Variants in ZC2HC1B observed in about 807,000 individuals in gnomAD.
ZC2HC1B encodes zinc finger C2HC-type containing 1B.
ZC2HC1B carries 36 observed loss-of-function variants against 31.0 expected under a neutral mutation model. That is an observed-to-expected ratio of 1.16 (90% CI 0.89 to 1.54). ZC2HC1B has a LOEUF of 1.54. ZC2HC1B is among the 40% of genes most tolerant of loss of function. ZC2HC1B has a pLI of 0.00. For synonymous variants in ZC2HC1B, 73 were observed against 88.0 expected (o/e 0.83, Z 0.95); for missense variants, 260 against 268.6 (o/e 0.97, Z 0.22).
At chr6:143,935,052 A>G (rs1054820974) in intron 6 of ZC2HC1B, among the ~76,000 whole-genome samples, 5 of 152,122 alleles carry the variant, frequency 3.3e-5, no homozygotes, top group African/African-American at 9.7e-5. Context: ...GGCAGTATCC[A>G]TAGGGTACTA....
Position 143,911,586 on chromosome 6 carries a change from A to G in ZC2HC1B, c.598+8434A>G, listed in dbSNP as rs778585511. On this transcript the variant is annotated intron_variant, in intron 6 of 7. Coordinates refer to ENST00000237275, the MANE Select transcript of ZC2HC1B (RefSeq NM_001013623.3). The surrounding 1 kb of genome is among the most constrained non-coding windows in gnomAD (Gnocchi z 4.5). ...GAAATTCTTTTCTTTAAGAATGTTG[A>G]ATTTTGGCCCCCAGTCTCTTCTACC... is the stretch of plus-strand genomic sequence containing the variant. Among the ~76,000 whole-genome samples the G allele has an allele frequency of 2.2e-4, 33 of 152,182 alleles. No homozygotes were observed. Among genetic ancestry groups the G allele is most frequent in the Middle Eastern group, 3.4e-3 (1 of 294 alleles).
At chr6:143,889,780 A>G (rs1210300464) in intron 4 of ZC2HC1B, among the ~76,000 whole-genome samples, 8 of 152,142 alleles carry the variant, frequency 5.3e-5, no homozygotes, top group Admixed American at 5.2e-4. Context: ...CAGTAAAGAT[A>G]TAGAAGAGTT....
At position 143,899,294 on chromosome 6, in the gene ZC2HC1B, C is replaced by A. The variant is rs1371553080; in HGVS notation, c.489+603C>A. Among the ~76,000 whole-genome samples the A allele has an allele frequency of 6.6e-6, 1 of 152,202 alleles. No homozygotes were observed. The highest frequency in any genetic ancestry group is 2.4e-5 in the African/African-American group (1 of 41,454). ...GTCGAAGGTCTCAGGTACATACTTA[C>A]AATATAGCATAAAAACTATTAGTTT... On this transcript the variant is annotated intron_variant, in intron 5 of 7. Transcript: ENST00000237275. The surrounding 1 kb of genome is among the most constrained non-coding windows in gnomAD (Gnocchi z 5.0).
intron 6 of ZC2HC1B, among the ~76,000 whole-genome samples, chr6:143,935,683 ATC>A (rs1352032022): frequency 3.1e-5 from 3 of 96,214 alleles, no homozygotes; most frequent in African/African-American, 8.7e-5. Flanking sequence ...TTGAGACAGG[ATC>A]TCTCTGTCGC....
At chr6:143,931,460 TG>T (rs1778118011) in intron 6 of ZC2HC1B, among the ~76,000 whole-genome samples, 1 of 152,218 alleles carries the variant, frequency 6.6e-6, no homozygotes, top group Admixed American at 6.5e-5. Context: ...GGTTCTATTT[TG>T]GTGTATTTGG....
rs567016904 is a variant in ZC2HC1B at position 143,933,365 on chromosome 6, C to G, written c.599-4284C>G. Among the ~76,000 whole-genome samples the G allele has an allele frequency of 4.6e-5, 7 of 152,270 alleles. No individual in the cohort carries two copies. In the South Asian group the frequency reaches 1.4e-3, roughly 32 times the overall value. On this transcript the variant is annotated intron_variant, in intron 6 of 7. Transcript: ENST00000237275. This position sits in a 1 kb window ranked among gnomAD's most constrained non-coding sequence, Gnocchi z 6.4. ...CTCTAATTTGGCCAGGACAAGTATT[C>G]AGGCTTCTCAGGTGATGGATGGGAT...
At chr6:143,929,626 G>T (rs1379175834) in intron 6 of ZC2HC1B, among the ~76,000 whole-genome samples, 1 of 152,076 alleles carries the variant, frequency 6.6e-6, no homozygotes, top group Non-Finnish European at 1.5e-5. Context: ...CAGTGTTTTG[G>T]GACAGTTTCA....
chr6:143,867,767 G>A (rs964036698), intron 1 of ZC2HC1B, among the ~76,000 whole-genome samples: 5 of 152,202 alleles, frequency 3.3e-5, no homozygotes, highest in Non-Finnish European at 7.3e-5. Context: ...CGTGATAGCC[G>A]TCAACACGTC....
chr6:143,925,550 T>A (rs1778027105), intron 6 of ZC2HC1B, among the ~76,000 whole-genome samples: 1 of 149,672 alleles, frequency 6.7e-6, no homozygotes, highest in South Asian at 2.1e-4. Flanking sequence ...TTTTTTTTTT[T>A]TTTGAGACGG....
intron 6 of ZC2HC1B, among the ~76,000 whole-genome samples, chr6:143,920,643 GC>G (rs1777975828): frequency 3.9e-5 from 6 of 152,216 alleles, no homozygotes; most frequent in Admixed American, 3.3e-4. Context: ...GGGCGTGGTG[GC>G]TCACACCTGT....
intron 1 of ZC2HC1B, among the ~76,000 whole-genome samples, chr6:143,881,050 C>T (rs946494997): frequency 3.3e-5 from 5 of 152,186 alleles, no homozygotes; most frequent in African/African-American, 9.7e-5. Flanking sequence ...AGATCTCCCT[C>T]ATTCTAACCC....
At position 143,899,972 on chromosome 6, in the gene ZC2HC1B, C is replaced by T. The variant is rs147790331; in HGVS notation, c.489+1281C>T. ...TCTTCAAAGGCAAGCAAACTTTTTGCCCTTAAATATCAAAATGGGTTCACC... is the reference window on the plus strand; with the variant it reads ...TCTTCAAAGGCAAGCAAACTTTTTGTCCTTAAATATCAAAATGGGTTCACC... On this transcript the variant is annotated intron_variant, in intron 5 of 7. Transcript: ENST00000237275. The surrounding 1 kb of genome is among the most constrained non-coding windows in gnomAD (Gnocchi z 5.0). 3.0e-3 allele frequency among the ~76,000 whole-genome samples: 461 copies of T among 152,218 alleles called. 1 individual carries two copies. Among genetic ancestry groups the T allele is most frequent in the Non-Finnish European group, 5.2e-3 (351 of 68,022 alleles).
chr6:143,905,731 C>T lies in ZC2HC1B; in HGVS notation c.598+2579C>T, dbSNP rs1777784630. Among the ~76,000 whole-genome samples the T allele has an allele frequency of 6.6e-6, 1 of 151,924 alleles. No individual in the cohort carries two copies. Among genetic ancestry groups the T allele is most frequent in the African/African-American group, 2.4e-5 (1 of 41,366 alleles). Reference sequence around the variant, plus strand: ...TTTATTATGTTGAGGTAGTTTCCTTCTATTCTTAGTTTGTTGAGTGTTTTT... The same window carrying T: ...TTTATTATGTTGAGGTAGTTTCCTTTTATTCTTAGTTTGTTGAGTGTTTTT... On this transcript the variant is annotated intron_variant, in intron 6 of 7. Coordinates refer to ENST00000237275, the MANE Select transcript of ZC2HC1B (RefSeq NM_001013623.3). The surrounding 1 kb of genome is among the most constrained non-coding windows in gnomAD (Gnocchi z 4.2).
At chr6:143,890,238 A>G (rs1777580950) in intron 4 of ZC2HC1B, among the ~76,000 whole-genome samples, 1 of 152,104 alleles carries the variant, frequency 6.6e-6, no homozygotes, top group African/African-American at 2.4e-5. Flanking sequence ...TTCTCTTTAA[A>G]AGATTAGGAA....
chr6:143,912,502 T>C (rs947791883), intron 6 of ZC2HC1B, among the ~76,000 whole-genome samples: 2 of 152,246 alleles, frequency 1.3e-5, no homozygotes, highest in Admixed American at 6.5e-5. Context: ...AACTCATCCA[T>C]AGGGCTGCTA....
intron 6 of ZC2HC1B, among the ~76,000 whole-genome samples, chr6:143,932,784 A>C (rs942480645): frequency 2.6e-5 from 4 of 152,116 alleles, no homozygotes; most frequent in Non-Finnish European, 2.9e-5. Context: ...TCATTTGGAT[A>C]CACTATTTCA....
chr6:143,865,854 C>T lies in ZC2HC1B; in HGVS notation c.28+1287C>T, dbSNP rs1169866836. Among the ~76,000 whole-genome samples, 2 of 152,046 alleles carry T rather than the reference C, an allele frequency of 1.3e-5. No individual in the cohort carries two copies. Among genetic ancestry groups the T allele is most frequent in the Admixed American group, 6.5e-5 (1 of 15,272 alleles). Reference sequence around the variant, plus strand: ...TTTGCCAAGACAGGTCTTGCTCTGGCGCCCGAGCTGGAGCGCAGTAGTGCG... The same window carrying T: ...TTTGCCAAGACAGGTCTTGCTCTGGTGCCCGAGCTGGAGCGCAGTAGTGCG... On this transcript the variant is annotated intron_variant, in intron 1 of 7. Transcript: ENST00000237275. This position sits in a 1 kb window ranked among gnomAD's most constrained non-coding sequence, Gnocchi z 4.4.
rs377319922 is a variant in ZC2HC1B at position 143,898,897 on chromosome 6, AAT to A, written c.489+209_489+210del. ...GGCACCTTTGGGTGTTGTAGAAAAA[AAT>A]ATTTCTAAAGTATTTGAAGCTTCTT... On this transcript the variant is annotated intron_variant, in intron 5 of 7. Coordinates refer to ENST00000237275, the MANE Select transcript of ZC2HC1B (RefSeq NM_001013623.3). Among the ~76,000 whole-genome samples the A allele has an allele frequency of 1.7e-3, 262 of 152,340 alleles. 1 individual carries two copies. Among genetic ancestry groups the A allele is most frequent in the African/African-American group, 6.0e-3 (249 of 41,570 alleles).
In ZC2HC1B at chr6:143,911,546, T is replaced by C. The variant is rs1777856211; in HGVS notation, c.598+8394T>C. ...TTATGAAGCTTAGTTTGACTGGATA[T>C]GAAATTCTGGGTTGGAAATTCTTTT... On this transcript the variant is annotated intron_variant, in intron 6 of 7. Coordinates refer to ENST00000237275, the MANE Select transcript of ZC2HC1B (RefSeq NM_001013623.3). This position sits in a 1 kb window ranked among gnomAD's most constrained non-coding sequence, Gnocchi z 4.5. Among the ~76,000 whole-genome samples the C allele has an allele frequency of 6.6e-6, 1 of 152,216 alleles. No individual in the cohort carries two copies. Among genetic ancestry groups the C allele is most frequent in the Admixed American group, 6.5e-5 (1 of 15,284 alleles).
Sources: gnomAD v4.1 joint callset for allele counts (sites outside exome capture counted in the v4.1 genomes callset) on GRCh38, gnomAD v4.1.1 for gene constraint, Gnocchi (gnomAD v3.1) non-coding constraint, MANE v1.5 for transcripts, NCBI Gene and HGNC (gene_info 2026-07-23, HGNC 2026-07-21) for gene names.